Variants in TBL1XR1 observed in about 807,000 individuals in gnomAD.
The protein encoded by TBL1XR1 is F-box-like/WD repeat-containing protein TBL1XR1.
A neutral mutation model predicts 66.9 loss-of-function variants in TBL1XR1; 5 were observed. That is an observed-to-expected ratio of 0.07 (90% CI 0.04 to 0.16). TBL1XR1 has a LOEUF of 0.16. Ranked by LOEUF, TBL1XR1 falls within the 10% of genes least tolerant of loss-of-function variation. The pLI, the probability that TBL1XR1 is intolerant of heterozygous loss-of-function variation, is 1.00. For synonymous variants in TBL1XR1, 210 were observed against 206.0 expected (o/e 1.02, Z -0.17); for missense variants, 238 against 623.2 (o/e 0.38, Z 6.58).
At chr3:177,106,705 T>C (rs1724936945) in intron 1 of TBL1XR1, among the ~76,000 whole-genome samples, 1 of 152,070 alleles carries the variant, frequency 6.6e-6, no homozygotes, top group South Asian at 2.1e-4. Flanking sequence ...CAGAAATAAA[T>C]TGTTATAAAG....
At chr3:177,108,610 T>C (rs972755263) in intron 1 of TBL1XR1, among the ~76,000 whole-genome samples, 1 of 152,156 alleles carries the variant, frequency 6.6e-6, no homozygotes. Flanking sequence ...AATACTAATA[T>C]CAGTTAATTA....
intron 1 of TBL1XR1, among the ~76,000 whole-genome samples, chr3:177,113,038 G>C (rs1173855679): frequency 6.6e-6 from 1 of 151,366 alleles, no homozygotes; most frequent in African/African-American, 2.4e-5. Context: ...ATAGAATAGA[G>C]AGAACCCAAA....
chr3:177,127,504 A>G (rs1210260854), intron 1 of TBL1XR1, among the ~76,000 whole-genome samples: 2 of 148,300 alleles, frequency 1.3e-5, no homozygotes, highest in Non-Finnish European at 2.9e-5. Context: ...GATTGCAATC[A>G]TTGTTGTTAC....
intron 1 of TBL1XR1, among the ~76,000 whole-genome samples, chr3:177,122,875 G>T (rs1415934693): frequency 6.6e-6 from 1 of 152,072 alleles, no homozygotes; most frequent in Non-Finnish European, 1.5e-5. Context: ...TAATAATGTG[G>T]CTTATTACAG....
At chr3:177,164,835 G>A (rs578202878) in intron 1 of TBL1XR1, among the ~76,000 whole-genome samples, 6 of 152,250 alleles carry the variant, frequency 3.9e-5, no homozygotes, top group African/African-American at 1.4e-4. Context: ...GGGCTGAATA[G>A]AGATTATGAA....
intron 4 of TBL1XR1, among the ~76,000 whole-genome samples, 191 bp from the exon 5 acceptor site, chr3:177,051,917 ATTTTCC>A (rs1560118963): frequency 1.3e-5 from 2 of 152,176 alleles, no homozygotes; most frequent in East Asian, 3.9e-4. Context: ...GACTGCTTAC[ATTTTCC>A]TTTTCATTTA....
chr3:177,065,061 T>C (rs951349472), intron 2 of TBL1XR1, 39 bp from the exon 3 acceptor site: 1 of 1,281,852 alleles, frequency 7.8e-7, no homozygotes, highest in Non-Finnish European at 1.0e-6. Flanking sequence ...CTCAGTAAAA[T>C]ATTTTTAAAC....
chr3:177,084,023 G>C (rs1447156555), intron 2 of TBL1XR1, among the ~76,000 whole-genome samples: 2 of 150,366 alleles, frequency 1.3e-5, no homozygotes, highest in Non-Finnish European at 3.0e-5. Context: ...AGGAGGCGGA[G>C]GCTGCAGTGA....
At chr3:177,163,512 A>C (rs1000628566) in intron 1 of TBL1XR1, among the ~76,000 whole-genome samples, 5 of 150,678 alleles carry the variant, frequency 3.3e-5, no homozygotes, top group African/African-American at 1.2e-4. Flanking sequence ...CTCCGTCTGA[A>C]AAAAAAAAAA....
At chr3:177,119,279 C>T (rs2108751295) in intron 1 of TBL1XR1, among the ~76,000 whole-genome samples, 1 of 152,216 alleles carries the variant, frequency 6.6e-6, no homozygotes, top group East Asian at 1.9e-4. Flanking sequence ...GGCTGATAAT[C>T]AGGTTTTAAA....
At chr3:177,117,053 T>A (rs1468434771) in intron 1 of TBL1XR1, among the ~76,000 whole-genome samples, 1 of 152,080 alleles carries the variant, frequency 6.6e-6, no homozygotes, top group African/African-American at 2.4e-5. Flanking sequence ...ATTCCGAAAA[T>A]GGGGTAACGA....
chr3:177,175,666 G>A (rs1414933268), intron 1 of TBL1XR1, among the ~76,000 whole-genome samples: 4 of 152,158 alleles, frequency 2.6e-5, no homozygotes, highest in Non-Finnish European at 4.4e-5. Context: ...TAAGGATGAA[G>A]CAACTGAAAT....
chr3:177,093,330 C>T (rs952522262), intron 2 of TBL1XR1, among the ~76,000 whole-genome samples: 5 of 152,120 alleles, frequency 3.3e-5, no homozygotes, highest in African/African-American at 1.2e-4. Context: ...ATAGATGACA[C>T]AAACAAATGG....
rs1170375681 is a variant in TBL1XR1, at chr3:177,112,074, AATATATATAT to A, written c.-121-13543_-121-13534del. Among the ~76,000 whole-genome samples, 85 of 40,946 alleles carry A rather than the reference AATATATATAT, an allele frequency of 2.1e-3. 2 individuals carry two copies. The highest frequency in any genetic ancestry group is 6.5e-3 in the African/African-American group (62 of 9,474). 26.9% of individuals were successfully genotyped at this position (40,946 alleles called of 152,430 possible). A position where few individuals can be genotyped will look rare whatever the true frequency, so the allele number is the denominator to read the frequency against. Reference sequence around the variant, plus strand: ...ATAAGACAACAAAGATATAAAATCAAATATATATATATATATATATATATATATATATATT... The same window carrying A: ...ATAAGACAACAAAGATATAAAATCAAATATATATATATATATATATATATT... On this transcript the variant is annotated intron_variant, in intron 1 of 15. Coordinates refer to ENST00000457928, the MANE Select transcript of TBL1XR1 (RefSeq NM_024665.7).
In TBL1XR1 at chr3:177,189,964, C is replaced by T. The variant is rs370433474; in HGVS notation, c.-122+7157G>A. Among the ~76,000 whole-genome samples, 3 of 151,730 alleles carry T rather than the reference C, an allele frequency of 2.0e-5. No homozygotes were observed. In the East Asian group the frequency reaches 5.8e-4, roughly 30 times the overall value. The stretch of plus-strand genomic sequence containing the variant: ...AGGAAATAATGAAGAAAAAACCTAA[C>T]AGATTAAGAAAATAAAGTTCTAGCT... On this transcript the variant is annotated intron_variant, in intron 1 of 15. Coordinates refer to ENST00000457928, the MANE Select transcript of TBL1XR1 (RefSeq NM_024665.7).
chr3:177,126,725 T>C (rs1314091700), intron 1 of TBL1XR1, among the ~76,000 whole-genome samples: 3 of 152,056 alleles, frequency 2.0e-5, no homozygotes, highest in African/African-American at 4.8e-5. Flanking sequence ...TCAGAATTCT[T>C]GGCACTGGCT....
At chr3:177,135,333 GTATACATATA>G (rs1166167633) in intron 1 of TBL1XR1, among the ~76,000 whole-genome samples, 1 of 53,820 alleles carries the variant, frequency 1.9e-5, no homozygotes, top group African/African-American at 6.8e-5. Flanking sequence ...GTGTGTGTGT[GTATACATATA>G]TATATATATA....
At chr3:177,119,619 T>C (rs756002601) in intron 1 of TBL1XR1, among the ~76,000 whole-genome samples, 1 of 152,198 alleles carries the variant, frequency 6.6e-6, no homozygotes, top group African/African-American at 2.4e-5. Flanking sequence ...CACTACATTG[T>C]GATACACTGC....
chr3:177,093,348 T>A (rs371731408), intron 2 of TBL1XR1, among the ~76,000 whole-genome samples: 54 of 152,224 alleles, frequency 3.5e-4, no homozygotes, highest in African/African-American at 1.2e-3. Flanking sequence ...TGGAAACACA[T>A]CCTGTGTTCA....
Sources: allele counts gnomAD v4.1 joint callset (sites outside exome capture counted in the v4.1 genomes callset), GRCh38; gene constraint gnomAD v4.1.1; transcripts MANE v1.5; gene names NCBI Gene and HGNC (gene_info 2026-07-23, HGNC 2026-07-21).